SNTG1: variants seen among roughly 807,000 people sequenced by gnomAD.
SNTG1 encodes the protein gamma-1-syntrophin.
SNTG1 carries 39 observed loss-of-function variants against 74.7 expected under a neutral mutation model. That is an observed-to-expected ratio of 0.52 (90% CI 0.40 to 0.68). The LOEUF (loss-of-function observed/expected upper bound fraction) is 0.68. Among genes scored for constraint, SNTG1 ranks in the 30% least tolerant of loss-of-function variants. The pLI, the probability that SNTG1 is intolerant of heterozygous loss-of-function variation, is 0.00. For synonymous variants in SNTG1, 254 were observed against 217.1 expected, an observed-to-expected ratio of 1.17 and a Z score of -1.49; for missense variants, 685 against 609.5, an observed-to-expected ratio of 1.12 and a Z score of -1.30.
At chr8:50,425,807 C>T (rs185779069) in intron 4 of SNTG1, among the ~76,000 whole-genome samples, 7 of 152,122 alleles carry the variant, frequency 4.6e-5, no homozygotes, top group Admixed American at 1.3e-4. Context: ...TGGAGGGTGA[C>T]GTTTGAATCA....
intron 1 of SNTG1, among the ~76,000 whole-genome samples, chr8:49,975,341 A>G (rs1051201592): frequency 6.6e-6 from 1 of 152,150 alleles, no homozygotes; most frequent in African/African-American, 2.4e-5. Flanking sequence ...ATTTCATATT[A>G]AGAATACCCG....
chr8:50,722,987 A>G (rs1250058691), intron 17 of SNTG1, among the ~76,000 whole-genome samples: 1 of 152,194 alleles, frequency 6.6e-6, no homozygotes, highest in East Asian at 1.9e-4. Flanking sequence ...TATAGTGCAT[A>G]TTTTATCACT....
At chr8:50,549,720 C>G (rs2094412656) in intron 11 of SNTG1, among the ~76,000 whole-genome samples, 1 of 152,080 alleles carries the variant, frequency 6.6e-6, no homozygotes, top group Non-Finnish European at 1.5e-5. Context: ...ACCCACATTT[C>G]TTTGGATATA....
At chr8:50,244,196 A>C (rs1050620057) in intron 2 of SNTG1, among the ~76,000 whole-genome samples, 1 of 152,104 alleles carries the variant, frequency 6.6e-6, no homozygotes, top group African/African-American at 2.4e-5. Context: ...AGATCTTGGG[A>C]GTACCCACTC....
intron 17 of SNTG1, among the ~76,000 whole-genome samples, chr8:50,735,096 C>T (rs538752275): frequency 4.1e-4 from 62 of 151,126 alleles, no homozygotes; most frequent in African/African-American, 1.3e-3. Flanking sequence ...ACTATCTGTT[C>T]ATCATCCGAA....
intron 1 of SNTG1, among the ~76,000 whole-genome samples, chr8:50,131,829 T>C (rs2081328913): frequency 1.3e-5 from 2 of 152,192 alleles, no homozygotes; most frequent in Admixed American, 1.3e-4. Context: ...TCTCTTCACA[T>C]CCTTCCCAAC....
intron 13 of SNTG1, among the ~76,000 whole-genome samples, chr8:50,597,788 T>G (rs1395070168): frequency 1.3e-5 from 2 of 152,012 alleles, no homozygotes; most frequent in Admixed American, 6.6e-5. Flanking sequence ...ATTTTGGTTT[T>G]GATTTGTATT....
intron 13 of SNTG1, among the ~76,000 whole-genome samples, chr8:50,642,664 C>T (rs867530664): frequency 6.6e-6 from 1 of 152,190 alleles, no homozygotes; most frequent in Middle Eastern, 3.4e-3. Flanking sequence ...TTCCTTTAAG[C>T]CTATACTCAA....
chr8:49,914,481 T>G (rs1805852350), intron 1 of SNTG1, among the ~76,000 whole-genome samples: 1 of 152,060 alleles, frequency 6.6e-6, no homozygotes, highest in African/African-American at 2.4e-5. Context: ...AAAGTATATA[T>G]AGGACCAGAG....
chr8:50,707,928 C>G (rs1266522176), intron 16 of SNTG1: 1 of 392,504 alleles, frequency 2.5e-6, no homozygotes, highest in Non-Finnish European at 4.5e-6. Flanking sequence ...TTAGGCTGGG[C>G]ACAGTGGCTC....
chr8:49,962,699 A>G (rs1391407278), intron 1 of SNTG1, among the ~76,000 whole-genome samples: 1 of 152,052 alleles, frequency 6.6e-6, no homozygotes, highest in African/African-American at 2.4e-5. Context: ...AGTTCAAGAG[A>G]TGCTTCTGCC....
intron 1 of SNTG1, among the ~76,000 whole-genome samples, chr8:49,946,089 CTCTA>C (rs1177028394): frequency 4.6e-5 from 7 of 152,284 alleles, no homozygotes; most frequent in African/African-American, 1.4e-4. Flanking sequence ...AGTCCAGCAT[CTCTA>C]TCTATCATCT....
At chr8:50,488,962 A>T (rs2093824451) in intron 8 of SNTG1, among the ~76,000 whole-genome samples, 1 of 151,722 alleles carries the variant, frequency 6.6e-6, no homozygotes, top group African/African-American at 2.4e-5. Context: ...AATGTGTGAT[A>T]TTCCCCTCCC....
At chr8:50,688,919 C>G (rs1056592887) in intron 15 of SNTG1, among the ~76,000 whole-genome samples, 9 of 152,054 alleles carry the variant, frequency 5.9e-5, no homozygotes, top group Non-Finnish European at 1.3e-4. Context: ...TGTTTGTATC[C>G]TCTTGTATTT....
chr8:50,293,733 C>G (rs1275289748), intron 2 of SNTG1, among the ~76,000 whole-genome samples: 2 of 151,984 alleles, frequency 1.3e-5, no homozygotes, highest in Non-Finnish European at 2.9e-5. Flanking sequence ...AACTTAATTA[C>G]CTCTTTAAAG....
intron 2 of SNTG1, among the ~76,000 whole-genome samples, chr8:50,199,154 C>T (rs2083889053): frequency 6.6e-6 from 1 of 150,850 alleles, no homozygotes; most frequent in South Asian, 2.1e-4. Context: ...TTTTTAAAAT[C>T]ACAGTTTCTT....
chr8:50,264,163 T>G (rs567862620), intron 2 of SNTG1, among the ~76,000 whole-genome samples: 1 of 152,062 alleles, frequency 6.6e-6, no homozygotes, highest in Non-Finnish European at 1.5e-5. Flanking sequence ...ATACCAAAAC[T>G]TACGGGATCC....
chr8:50,360,315 A>G (rs2091923296), intron 2 of SNTG1, among the ~76,000 whole-genome samples: 1 of 152,166 alleles, frequency 6.6e-6, no homozygotes, highest in Non-Finnish European at 1.5e-5. Context: ...TGGATTGCTC[A>G]GCATGTATTG....
intron 1 of SNTG1, among the ~76,000 whole-genome samples, chr8:50,011,607 A>C (rs1815801892): frequency 7.0e-6 from 1 of 142,300 alleles, no homozygotes; most frequent in South Asian, 2.4e-4. Flanking sequence ...ATTCCAGGTC[A>C]CTATCCCAAG....
Sources: gnomAD v4.1 joint callset for allele counts (sites outside exome capture counted in the v4.1 genomes callset) on GRCh38, gnomAD v4.1.1 for gene constraint, MANE v1.5 for transcripts, NCBI Gene and HGNC (gene_info 2026-07-23, HGNC 2026-07-21) for gene names.